Variants in ARID4A observed in about 807,000 individuals in gnomAD.
The protein encoded by ARID4A is AT-rich interactive domain-containing protein 4A.
Under a neutral mutation model 148.6 loss-of-function variants are expected in ARID4A, and 39 were observed. The ratio of observed to expected loss-of-function variants is 0.26; its 90% CI spans 0.20 to 0.34. ARID4A has a LOEUF of 0.34. Among genes scored for constraint, ARID4A ranks in the 10% least tolerant of loss-of-function variants. ARID4A has a pLI of 1.00. For missense variants in ARID4A, 1,265 were observed against 1,449.1 expected (o/e 0.87, Z 2.06); for synonymous variants, 475 against 481.2 (o/e 0.99, Z 0.17).
intron 17 of ARID4A, among the ~76,000 whole-genome samples, chr14:58,355,343 A>C (rs1005364478): frequency 6.6e-6 from 1 of 152,196 alleles, no homozygotes; most frequent in African/African-American, 2.4e-5. Flanking sequence ...CAGGACCCCC[A>C]GTGGATGCCT....
chr14:58,324,029 G>A (rs755136921), intron 8 of ARID4A, among the ~76,000 whole-genome samples: 5 of 148,994 alleles, frequency 3.4e-5, no homozygotes, highest in South Asian at 2.2e-4. Context: ...CTCAGCCTCC[G>A]GAGTAGCTGG....
At chr14:58,321,956 G>T (rs911155830) in intron 7 of ARID4A, among the ~76,000 whole-genome samples, 1 of 130,238 alleles carries the variant, frequency 7.7e-6, no homozygotes, top group Non-Finnish European at 1.6e-5. Flanking sequence ...TGTTGTTGTT[G>T]TTTTTTTTGG....
Position 58,301,281 on chromosome 14 carries a change from TTA to T in ARID4A, c.7-297_7-296del. ...ATGAAATATTTTTTCTGTTTTTTTCTTATCTTTCTGCTTATATAATAGTAGAA... is the reference window on the plus strand; with the variant it reads ...ATGAAATATTTTTTCTGTTTTTTTCTTCTTTCTGCTTATATAATAGTAGAA... On this transcript the variant is annotated intron_variant, in intron 2 of 23. Coordinates refer to ENST00000355431, the MANE Select transcript of ARID4A (RefSeq NM_002892.4). Among the ~76,000 whole-genome samples, 3 of 115,202 alleles carry T rather than the reference TTA, an allele frequency of 2.6e-5. No homozygotes were observed. In the Admixed American group the frequency reaches 2.8e-4, roughly 11 times the overall value. 75.6% of individuals were successfully genotyped at this position (115,202 alleles called of 152,430 possible).
chr14:58,367,548 A>T (rs1163777199), intron 23 of ARID4A, among the ~76,000 whole-genome samples: 1 of 152,250 alleles, frequency 6.6e-6, no homozygotes, highest in Non-Finnish European at 1.5e-5. Context: ...CTTCTCAAAG[A>T]TCTTAACATC....
rs2035013485 is a variant in ARID4A, at chr14:58,359,047, T to G, written c.1854-85T>G. ...ACAAACTATTTAATCTGTCTCACTG[T>G]TGTTTTCGTTTGGTGAATACATTTC... On this transcript the variant is annotated intron_variant, in intron 17 of 23. Coordinates refer to ENST00000355431, the MANE Select transcript of ARID4A (RefSeq NM_002892.4). The G allele has an allele frequency of 4.4e-6, 6 of 1,374,972 alleles. No homozygotes were observed. The South Asian group carries it at 8.2e-5, about 19-fold the overall frequency. 85.2% of individuals were successfully genotyped at this position (1,374,972 alleles called of 1,614,324 possible).
At position 58,347,836 on chromosome 14, in the gene ARID4A, C is replaced by G; in HGVS notation, c.1362C>G (p.Asn454Lys). Reference sequence around the variant, plus strand: ...AACCTGAGGAAAATATCGATTCAAACAGTGAAAGTGAAAGAGAAGAGATAG... The same window carrying G: ...AACCTGAGGAAAATATCGATTCAAAGAGTGAAAGTGAAAGAGAAGAGATAG... ...KSEPEENIDS[N>K]SESEREEIEL... The change falls in exon 15 of 24, where the codon AAC becomes AAG. Residue 454 changes from asparagine (N) to lysine (K), a missense_variant. By Grantham distance (94) the Asn-to-Lys change is moderately conservative. This residue lies in a region of ARID4A where 205 missense variants were observed against 196.9 expected (regional missense o/e 1.04). Coordinates refer to ENST00000355431, the MANE Select transcript of ARID4A (RefSeq NM_002892.4). The G allele has an allele frequency of 6.2e-7, 1 of 1,613,308 alleles. No individual in the cohort carries two copies.
At chr14:58,361,464 G>A (rs531861332) in intron 19 of ARID4A, among the ~76,000 whole-genome samples, 95 of 152,218 alleles carry the variant, frequency 6.2e-4, no homozygotes, top group Middle Eastern at 3.4e-3. Flanking sequence ...GTGATTGTTT[G>A]GCATCACTGT....
chr14:58,360,880 C>T (rs758631134), intron 18 of ARID4A, 21 bp from the exon 19 acceptor site: 3 of 1,610,934 alleles, frequency 1.9e-6, no homozygotes, highest in East Asian at 4.5e-5. Flanking sequence ...CCTTCTCATA[C>T]ATTTTGTTGT....
At position 58,369,454 on chromosome 14, in the gene ARID4A, T is replaced by C. The variant is rs376780497; in HGVS notation, c.3670+2425T>C. On this transcript the variant is annotated intron_variant, in intron 23 of 23. Coordinates refer to ENST00000355431, the MANE Select transcript of ARID4A (RefSeq NM_002892.4). Reference sequence around the variant, plus strand: ...CAACCTGGCCAACATGACAAAACCCTGTCTCTACTAAAACTACAAAAGTCA... The same window carrying C: ...CAACCTGGCCAACATGACAAAACCCCGTCTCTACTAAAACTACAAAAGTCA... 2.6e-5 allele frequency among the ~76,000 whole-genome samples: 4 copies of C among 151,846 alleles called. 1 individual carries two copies.
At chr14:58,325,208 C>G (rs2033144917) in intron 8 of ARID4A, among the ~76,000 whole-genome samples, 1 of 152,140 alleles carries the variant, frequency 6.6e-6, no homozygotes, top group African/African-American at 2.4e-5. Context: ...CTTCTTCATC[C>G]CCTCTTAAAT....
chr14:58,320,942 A>T (rs547472789), intron 7 of ARID4A, among the ~76,000 whole-genome samples: 1 of 152,304 alleles, frequency 6.6e-6, no homozygotes, highest in South Asian at 2.1e-4. Context: ...ACAAGACAAT[A>T]GTCTTGTAAC....
At position 58,315,636 on chromosome 14, in the gene ARID4A, TACTA is replaced by T. The variant is rs137937783; in HGVS notation, c.275-2903_275-2900del. Among the ~76,000 whole-genome samples the T allele has an allele frequency of 2.2e-3, 331 of 152,344 alleles. 1 individual carries two copies. The highest frequency in any genetic ancestry group is 7.1e-3 in the African/African-American group (296 of 41,574). ...GAAATCTTATACTTACAGATACTAA[TACTA>T]ACAAGAATTATATTGTTTGGTTTGT... is the stretch of plus-strand genomic sequence containing the variant. On this transcript the variant is annotated intron_variant, in intron 5 of 23. Transcript: ENST00000355431.
At chr14:58,316,174 A>C (rs918745237) in intron 5 of ARID4A, among the ~76,000 whole-genome samples, 4 of 152,228 alleles carry the variant, frequency 2.6e-5, no homozygotes, top group African/African-American at 7.2e-5. Context: ...AAATTCTAAG[A>C]TATCAAATGA....
At chr14:58,322,963 C>CAAAAAAAAAAA in intron 7 of ARID4A, among the ~76,000 whole-genome samples, 1 of 42,244 alleles carries the variant, frequency 2.4e-5, no homozygotes, top group Non-Finnish European at 4.1e-5. Flanking sequence ...ACTCCATTTC[C>CAAAAAAAAAAA]AAAAAAAAAA....
intron 9 of ARID4A, among the ~76,000 whole-genome samples, 171 bp from the exon 10 acceptor site, chr14:58,329,357 A>G (rs1314949169): frequency 6.6e-6 from 1 of 152,214 alleles, no homozygotes. Context: ...TAAGATAACT[A>G]ACTTTGCCCG....
At chr14:58,355,254 A>C (rs560094074) in intron 17 of ARID4A, among the ~76,000 whole-genome samples, 1 of 152,112 alleles carries the variant, frequency 6.6e-6, no homozygotes, top group Non-Finnish European at 1.5e-5. Context: ...TCATCTCTAC[A>C]CTGGGAAAAA....
intron 5 of ARID4A, among the ~76,000 whole-genome samples, chr14:58,307,713 A>T (rs971395044): frequency 1.3e-5 from 2 of 152,130 alleles, no homozygotes; most frequent in African/African-American, 4.8e-5. Context: ...CCAGCTACTC[A>T]GTAGGCTGAG....
intron 12 of ARID4A, among the ~76,000 whole-genome samples, chr14:58,345,400 A>G (rs1195936335): frequency 3.9e-5 from 6 of 152,226 alleles, no homozygotes; most frequent in Admixed American, 2.0e-4. Context: ...TACTAATGCT[A>G]TATTTGTGGC....
intron 20 of ARID4A, 109 bp downstream of exon 20, chr14:58,365,409 T>G: frequency 7.1e-7 from 1 of 1,417,544 alleles, no homozygotes; most frequent in Non-Finnish European, 9.5e-7. Flanking sequence ...TTTTCTCTCT[T>G]CTTTTCTTAT....
Sources: allele counts gnomAD v4.1 joint callset (sites outside exome capture counted in the v4.1 genomes callset), GRCh38; gene constraint gnomAD v4.1.1; regional missense constraint gnomAD v4.1.1; transcripts MANE v1.5; gene names NCBI Gene and HGNC (gene_info 2026-07-23, HGNC 2026-07-21).